The following HS1BP3 variants were observed in gnomAD, a reference collection of about 807,000 sequenced individuals.
The protein encoded by HS1BP3 is HCLS1 binding protein 3, also known as HCLS1-binding protein 3.
A neutral mutation model predicts 33.5 loss-of-function variants in HS1BP3; 32 were observed. The observed-to-expected ratio is 0.95, with a 90% CI of 0.72 to 1.28. The LOEUF (loss-of-function observed/expected upper bound fraction) is 1.28, where lower values mean the gene tolerates loss of function less well. HS1BP3 is among the 50% of genes most tolerant of loss of function. HS1BP3 has a pLI of 0.00. For missense variants in HS1BP3, 486 were observed against 502.3 expected (o/e 0.97, Z 0.31); for synonymous variants, 187 against 209.2 (o/e 0.89, Z 0.92).
At chr2:20,647,577 G>C (rs1695556243) in intron 1 of HS1BP3, among the ~76,000 whole-genome samples, 2 of 152,272 alleles carry the variant, frequency 1.3e-5, no homozygotes, top group African/African-American at 4.8e-5. Context: ...TCGGGCCTAG[G>C]GTGGCCAGCC....
intron 5 of HS1BP3, among the ~76,000 whole-genome samples, chr2:20,583,626 G>C (rs1238179371): frequency 8.5e-5 from 13 of 152,236 alleles, no homozygotes; most frequent in Admixed American, 8.5e-4. Context: ...CTGTGGCAAA[G>C]GAGTGGGGAG....
chr2:20,569,444 G>A (rs183099537), intron 5 of HS1BP3, among the ~76,000 whole-genome samples: 2 of 152,302 alleles, frequency 1.3e-5, no homozygotes, highest in East Asian at 3.9e-4. Flanking sequence ...GGCCAAATTT[G>A]ACAAAGAAAT....
intron 4 of HS1BP3, among the ~76,000 whole-genome samples, chr2:20,627,862 G>A (rs963417273): frequency 1.3e-4 from 20 of 152,276 alleles, no homozygotes; most frequent in Non-Finnish European, 1.9e-4. Context: ...TAATGTGCCT[G>A]GTCCATAACA....
At chr2:20,556,457 T>G (rs12620544), downstream of HS1BP3, among the ~76,000 whole-genome samples, 107,152 of 152,098 alleles carry the variant, frequency 0.7, 42,048 homozygotes, top group Non-Finnish European at 0.86. Context: ...ACCCTTCAAC[T>G]TTATCAAATA....
chr2:20,558,399 C>G (rs1004664759), downstream of HS1BP3, among the ~76,000 whole-genome samples: 1 of 152,156 alleles, frequency 6.6e-6, no homozygotes, highest in Non-Finnish European at 1.5e-5. Flanking sequence ...CCTCCATTTC[C>G]TCATTTCTCA....
downstream of HS1BP3, among the ~76,000 whole-genome samples, chr2:20,558,473 G>A (rs1253236751): frequency 6.6e-6 from 1 of 152,184 alleles, no homozygotes; most frequent in Admixed American, 6.5e-5. Flanking sequence ...CTCCGTCTCA[G>A]TTCTGGGCTG....
intron 5 of HS1BP3, among the ~76,000 whole-genome samples, chr2:20,561,224 G>T (rs113168756): frequency 6.6e-6 from 1 of 152,090 alleles, no homozygotes; most frequent in Non-Finnish European, 1.5e-5. Flanking sequence ...TGGTGCCCTC[G>T]CTGTCCTGCA....
At chr2:20,625,307 C>T (rs1203861766) in intron 4 of HS1BP3, among the ~76,000 whole-genome samples, 1 of 152,240 alleles carries the variant, frequency 6.6e-6, no homozygotes, top group Non-Finnish European at 1.5e-5. Flanking sequence ...TGCCAGACAA[C>T]CCCAGCTCTT....
chr2:20,558,340 C>G (rs536893924), downstream of HS1BP3, among the ~76,000 whole-genome samples: 1 of 152,156 alleles, frequency 6.6e-6, no homozygotes, highest in Non-Finnish European at 1.5e-5. Context: ...GAGGCTGAAC[C>G]GCTTGCGGCC....
At chr2:20,593,424 C>T (rs1693867930) in intron 3 of HS1BP3, among the ~76,000 whole-genome samples, 2 of 152,182 alleles carry the variant, frequency 1.3e-5, no homozygotes, top group African/African-American at 4.8e-5. Context: ...CAACGCTTGA[C>T]ACTAGTTGAC....
intron 2 of HS1BP3, 83 bp downstream of exon 2, chr2:20,645,257 A>T: frequency 7.1e-7 from 1 of 1,399,728 alleles, no homozygotes; most frequent in Non-Finnish European, 9.8e-7. Flanking sequence ...TCTGGATGCT[A>T]CTTGAACCCT....
At chr2:20,560,498 C>T (rs1692964749) in exon 6 of HS1BP3, 1 of 152,282 alleles carries the variant, frequency 6.6e-6, no homozygotes, top group Admixed American at 6.5e-5. Flanking sequence ...ACATTGAAAT[C>T]CCTTATGAGC....
At chr2:20,590,583 T>C (rs1693789590), downstream of HS1BP3, among the ~76,000 whole-genome samples, 1 of 152,218 alleles carries the variant, frequency 6.6e-6, no homozygotes, top group Non-Finnish European at 1.5e-5. Flanking sequence ...CTCTTCCTCA[T>C]GGCATGGCCC....
chr2:20,608,372 C>T (rs954163830), intron 2 of HS1BP3, among the ~76,000 whole-genome samples: 3 of 151,766 alleles, frequency 2.0e-5, no homozygotes, highest in South Asian at 2.1e-4. Flanking sequence ...GTTGGGAGTT[C>T]GAGACCAGCC....
intron 5 of HS1BP3, among the ~76,000 whole-genome samples, chr2:20,571,810 G>A (rs924609532): frequency 5.3e-5 from 8 of 152,326 alleles, no homozygotes; most frequent in Admixed American, 2.6e-4. Context: ...TCACGAGCTC[G>A]AAGTAGAGCC....
chr2:20,634,510 G>A (rs556776855), intron 4 of HS1BP3, among the ~76,000 whole-genome samples: 4 of 152,294 alleles, frequency 2.6e-5, no homozygotes, highest in East Asian at 1.9e-4. Flanking sequence ...CGCAGTGGTC[G>A]GGATATTTAG....
At chr2:20,608,574 C>CAAAA (rs60486220) in intron 2 of HS1BP3, among the ~76,000 whole-genome samples, 15 of 96,342 alleles carry the variant, frequency 1.6e-4, no homozygotes, top group South Asian at 3.6e-4. Context: ...AACTCCGTCT[C>CAAAA]AAAAAAAAAA....
chr2:20,615,163 G>T (rs941560458), downstream of HS1BP3, among the ~76,000 whole-genome samples: 1 of 152,236 alleles, frequency 6.6e-6, no homozygotes, highest in Non-Finnish European at 1.5e-5. Flanking sequence ...CTTCAGGCAC[G>T]TAGAGGACTT....
At chr2:20,640,346 C>T (rs1040452629) in intron 3 of HS1BP3, 2 of 164,346 alleles carry the variant, frequency 1.2e-5, no homozygotes, top group Non-Finnish European at 2.6e-5. Context: ...TGTAAATTCT[C>T]ATAACGGCCT....
Sources: gnomAD v4.1 joint callset for allele counts (sites outside exome capture counted in the v4.1 genomes callset) on GRCh38, gnomAD v4.1.1 for gene constraint, MANE v1.5 for transcripts, NCBI Gene and HGNC (gene_info 2026-07-23, HGNC 2026-07-21) for gene names.